CES4A: variants seen among roughly 807,000 people sequenced by gnomAD.
The protein encoded by CES4A is carboxylesterase 6.
A neutral mutation model predicts 65.4 loss-of-function variants in CES4A; 48 were observed. The observed-to-expected ratio is 0.73, with a 90% CI of 0.58 to 0.93. CES4A has a LOEUF of 0.93. Ranked by LOEUF, CES4A falls within the 40% of genes least tolerant of loss-of-function variation. CES4A has a pLI of 0.00. For missense variants in CES4A, 685 were observed against 728.5 expected, an observed-to-expected ratio of 0.94 and a Z score of 0.69; for synonymous variants, 247 against 281.8, an observed-to-expected ratio of 0.88 and a Z score of 1.24.
rs527425472 is a variant in CES4A, at chr16:67,003,361, G to T, written c.900+1G>T. The T allele has an allele frequency of 6.2e-7, 1 of 1,613,600 alleles. No homozygotes were observed. The highest frequency in any genetic ancestry group is 2.2e-5 in the East Asian group (1 of 44,886). ...GGTGATGCGTGTGTCCAACAAGATG[G>T]TAGGTAGAACATTCCAGCTGCCTGA... On this transcript the variant is annotated splice_donor_variant, in intron 7 of 13. Coordinates refer to ENST00000648724, the Ensembl canonical transcript of CES4A. LOFTEE classifies it high-confidence loss of function. The surrounding 1 kb of genome is among the most constrained non-coding windows in gnomAD (Gnocchi z 4.2).
At chr16:66,994,991 A>G (rs995918485) in intron 1 of CES4A, among the ~76,000 whole-genome samples, 3 of 151,614 alleles carry the variant, frequency 2.0e-5, no homozygotes, top group African/African-American at 7.3e-5. Context: ...GCGATAGAGA[A>G]AGACCCCATC....
chr16:66,996,693 G>A (rs746762544), intron 2 of CES4A, among the ~76,000 whole-genome samples: 2 of 152,182 alleles, frequency 1.3e-5, no homozygotes, highest in Non-Finnish European at 2.9e-5. Context: ...TTAGAAAAAT[G>A]TCTGAGAACC....
chr16:66,992,463 A>T (rs914458616), intron 1 of CES4A, among the ~76,000 whole-genome samples: 1 of 152,142 alleles, frequency 6.6e-6, no homozygotes, highest in Non-Finnish European at 1.5e-5. Flanking sequence ...TTTGCATCAA[A>T]ATCTGGGGAG....
chr16:66,996,177 C>A (rs1964836716), intron 2 of CES4A: 1 of 411,636 alleles, frequency 2.4e-6, no homozygotes, highest in African/African-American at 2.1e-5. Context: ...TCTGGGGCTA[C>A]AGGTACGTGC....
intron 1 of CES4A, among the ~76,000 whole-genome samples, chr16:66,991,996 T>C (rs1964431513): frequency 6.6e-6 from 1 of 152,112 alleles, no homozygotes; most frequent in South Asian, 2.1e-4. Context: ...ATTTAAAGTG[T>C]TTGGCAGAGC....
intron 2 of CES4A, among the ~76,000 whole-genome samples, chr16:66,996,970 C>T (rs1236919225): frequency 6.6e-6 from 1 of 151,468 alleles, no homozygotes; most frequent in Non-Finnish European, 1.5e-5. Flanking sequence ...GTGGGAGGCT[C>T]ACTTGATCAA....
At chr16:66,996,507 C>T (rs1447790348) in intron 2 of CES4A, among the ~76,000 whole-genome samples, 2 of 152,174 alleles carry the variant, frequency 1.3e-5, no homozygotes, top group Non-Finnish European at 2.9e-5. Context: ...GGGGGCTGAG[C>T]CCTGAGTCAC....
chr16:67,000,501 G>GCACA lies in CES4A; in HGVS notation c.261-135_261-132dup, dbSNP rs1965201678. 7.0e-7 allele frequency: 1 copy of GCACA among 1,437,714 alleles called. No homozygotes were observed. The highest frequency in any genetic ancestry group is 1.4e-5 in the African/African-American group (1 of 69,658). The allele number at this position is 1,437,714 out of a possible 1,614,324, so 89.1% of individuals were successfully genotyped here. A position where few individuals can be genotyped will look rare whatever the true frequency, so the allele number is the denominator to read the frequency against. ...GGGCTGGCGGAGGCCTCCTGTACAC[G>GCACA]CACACGCACGCACATGCGCACGCAC... On this transcript the variant is annotated intron_variant, in intron 2 of 13. Transcript: ENST00000648724. This position sits in a 1 kb window ranked among gnomAD's most constrained non-coding sequence, Gnocchi z 4.2.
At chr16:66,995,756 A>T (rs1273184411) in exon 2 of CES4A, 1 of 1,614,208 alleles carries the variant, frequency 6.2e-7, no homozygotes, top group Non-Finnish European at 8.5e-7. Context: ...TCCTCTAGGT[A>T]TCCTCAGGTT....
rs1283485315 is a variant in CES4A at position 67,006,376 on chromosome 16, T to C, written c.1316-15T>C. 2 of 1,536,250 alleles carry C rather than the reference T, an allele frequency of 1.3e-6. No individual in the cohort carries two copies. The highest frequency in any genetic ancestry group is 2.0e-5 in the Admixed American group (1 of 50,936). On this transcript the variant is annotated splice_polypyrimidine_tract_variant and intron_variant, in intron 11 of 13. Coordinates refer to ENST00000648724, the Ensembl canonical transcript of CES4A. Reference sequence around the variant, plus strand: ...AGGCTTTTCCTGCATCCCTCCTCAGTTTCCCTATTCACAGATGCCGGCCTC... The same window carrying C: ...AGGCTTTTCCTGCATCCCTCCTCAGCTTCCCTATTCACAGATGCCGGCCTC...
rs1192452627 is a variant in CES4A, at chr16:67,000,806, G to T, written c.402+27G>T. ...TGAGTGCCAGGTCTCCCGCGCCCGC[G>T]GTCCCACCGCCGCCCACCGCCCCGC... On this transcript the variant is annotated intron_variant, in intron 3 of 13. Coordinates refer to ENST00000648724, the Ensembl canonical transcript of CES4A. This position sits in a 1 kb window ranked among gnomAD's most constrained non-coding sequence, Gnocchi z 4.2. 1.3e-6 allele frequency: 2 copies of T among 1,551,778 alleles called. No individual in the cohort carries two copies. The highest frequency in any genetic ancestry group is 1.7e-6 in the Non-Finnish European group (2 of 1,146,890).
At chr16:66,990,421 A>T (rs550486507) in intron 1 of CES4A, among the ~76,000 whole-genome samples, 54 of 152,222 alleles carry the variant, frequency 3.5e-4, no homozygotes, top group African/African-American at 1.3e-3. Context: ...TTTAAGCCAA[A>T]TGGGGTGGCT....
At position 67,003,428 on chromosome 16, in the gene CES4A, C is replaced by T. The variant is rs938020073; in HGVS notation, c.900+68C>T. 19 of 1,586,564 alleles carry T rather than the reference C, an allele frequency of 1.2e-5. No individual in the cohort carries two copies. The Admixed American group carries it at 2.7e-4, about 22-fold the overall frequency. On this transcript the variant is annotated intron_variant, in intron 7 of 13. Transcript: ENST00000648724. The surrounding 1 kb of genome is among the most constrained non-coding windows in gnomAD (Gnocchi z 4.2). ...CCATCCTCCTATCCTGGTACCCAGC[C>T]ACCCCCAACTACTTCCCCAGGGACC...
At chr16:66,989,337 A>G (rs1597037273) in intron 1 of CES4A, among the ~76,000 whole-genome samples, 1 of 151,628 alleles carries the variant, frequency 6.6e-6, no homozygotes, top group South Asian at 2.1e-4. Context: ...CTGTATAATT[A>G]TATCTATTAT....
chr16:66,995,340 T>TATAA (rs1219559799), intron 1 of CES4A, among the ~76,000 whole-genome samples: 1 of 151,470 alleles, frequency 6.6e-6, no homozygotes, highest in African/African-American at 2.4e-5. Flanking sequence ...AATAAATAAA[T>TATAA]ATAAATAAAT....
At chr16:67,010,396 C>T (rs555729250), downstream of CES4A, among the ~76,000 whole-genome samples, 7 of 150,292 alleles carry the variant, frequency 4.7e-5, no homozygotes, top group South Asian at 2.1e-4. Flanking sequence ...AAAATACACA[C>T]GACAAATTTT....
intron 2 of CES4A, among the ~76,000 whole-genome samples, chr16:66,997,728 T>C (rs897245351): frequency 6.6e-6 from 1 of 152,048 alleles, no homozygotes; most frequent in African/African-American, 2.4e-5. Context: ...TCCAGCACTT[T>C]GGGAGGCCGA....
rs759029199 is a variant in CES4A, at chr16:67,004,923, CCT to C, written c.1161+51_1161+52del. ...GCTCAGTTCGGACAGGGTTGACCCC[CCT>C]GTTTTTTTTAACCTAGTAGCTGCTC... On this transcript the variant is annotated intron_variant, in intron 10 of 13. Transcript: ENST00000648724. 57 of 1,443,092 alleles carry C rather than the reference CCT, an allele frequency of 3.9e-5. No individual in the cohort carries two copies. In the African/African-American group the frequency reaches 4.2e-4, roughly 11 times the overall value. 89.4% of individuals were successfully genotyped at this position (1,443,092 alleles called of 1,614,324 possible).
At chr16:67,009,259 C>T (rs1966008313) in exon 14 of CES4A, 1 of 1,019,856 alleles carries the variant, frequency 9.8e-7, no homozygotes, top group Non-Finnish European at 1.4e-6. Context: ...TTTAGAACTG[C>T]AGGAGCTCCC....
Sources: allele counts gnomAD v4.1 joint callset (sites outside exome capture counted in the v4.1 genomes callset), GRCh38; gene constraint gnomAD v4.1.1; non-coding constraint Gnocchi (gnomAD v3.1); transcripts MANE v1.5; gene names NCBI Gene and HGNC (gene_info 2026-07-23, HGNC 2026-07-21).